USP44: variants seen among roughly 807,000 people sequenced by gnomAD.
USP44 encodes ubiquitin carboxyl-terminal hydrolase 44.
Under a neutral mutation model 69.0 loss-of-function variants are expected in USP44, and 61 were observed. The ratio of observed to expected loss-of-function variants is 0.88; its 90% CI spans 0.72 to 1.09. The LOEUF (loss-of-function observed/expected upper bound fraction) is 1.09, where lower values mean the gene tolerates loss of function less well. Among genes scored for constraint, USP44 ranks in the 50% least tolerant of loss-of-function variants. The probability of loss-of-function intolerance (pLI) is 0.00; values close to 1 mark genes in which losing one functional copy is unlikely to be tolerated. For missense variants in USP44, 753 were observed against 849.9 expected (o/e 0.89, Z 1.42); for synonymous variants, 297 against 295.4 (o/e 1.01, Z -0.06).
intron 1 of USP44, among the ~76,000 whole-genome samples, chr12:95,550,695 AAG>A (rs2077709545): frequency 6.6e-6 from 1 of 152,170 alleles, no homozygotes; most frequent in African/African-American, 2.4e-5. Context: ...GGGAGATAGG[AAG>A]AGTCTTAGTT....
chr12:95,519,533 G>A (rs1335047238), intron 5 of USP44, among the ~76,000 whole-genome samples: 1 of 141,512 alleles, frequency 7.1e-6, no homozygotes, highest in African/African-American at 2.6e-5. Context: ...TCCGCCTCCC[G>A]GGTTCACGCC....
In USP44 at chr12:95,522,000, G is replaced by A. The variant is rs1375296602; in HGVS notation, c.1734-798C>T. 5 of 977,678 alleles carry A rather than the reference G, an allele frequency of 5.1e-6. No homozygotes were observed. In the South Asian group the frequency reaches 2.4e-4, roughly 46 times the overall value. 60.6% of individuals were successfully genotyped at this position (977,678 alleles called of 1,614,324 possible). A position where few individuals can be genotyped will look rare whatever the true frequency, so the allele number is the denominator to read the frequency against. ...TAAGTCAGCACAACCGCCCATTGGTGACAGAACTGAAAGAATGCCCTTACC... is the reference window on the plus strand; with the variant it reads ...TAAGTCAGCACAACCGCCCATTGGTAACAGAACTGAAAGAATGCCCTTACC... On this transcript the variant is annotated intron_variant, in intron 4 of 5. Transcript: ENST00000258499.
At chr12:95,530,690 GATAT>G (rs1354534738) in intron 2 of USP44, among the ~76,000 whole-genome samples, 14 of 148,130 alleles carry the variant, frequency 9.5e-5, no homozygotes, top group African/African-American at 3.2e-4. Context: ...TAGATAGATA[GATAT>G]AAAAGAAAAA....
At chr12:95,541,668 A>G (rs1351923828) in intron 1 of USP44, among the ~76,000 whole-genome samples, 1 of 152,162 alleles carries the variant, frequency 6.6e-6, no homozygotes, top group Non-Finnish European at 1.5e-5. Context: ...TTTGACAAAT[A>G]TTTCAATAAA....
chr12:95,530,093 C>A (rs551300590), intron 2 of USP44, among the ~76,000 whole-genome samples: 1 of 152,310 alleles, frequency 6.6e-6, no homozygotes, highest in Non-Finnish European at 1.5e-5. Context: ...CATGAACTAA[C>A]AATTCACATA....
chr12:95,543,406 C>CAA (rs60127958), intron 1 of USP44, among the ~76,000 whole-genome samples: 191 of 42,536 alleles, frequency 4.5e-3, no homozygotes, highest in Middle Eastern at 0.012. Flanking sequence ...GACTCTTTCT[C>CAA]AAAAAAAAAA....
intron 5 of USP44, 131 bp downstream of exon 5, chr12:95,520,866 G>T (rs537007429): frequency 1.3e-6 from 1 of 760,704 alleles, no homozygotes; most frequent in Non-Finnish European, 2.1e-6. Flanking sequence ...ACCTGCAGAG[G>T]CATTCTCCCT....
At chr12:95,518,407 T>C in intron 5 of USP44, 54 bp from the exon 6 acceptor site, 2 of 1,559,708 alleles carry the variant, frequency 1.3e-6, no homozygotes, top group Admixed American at 1.8e-5. Flanking sequence ...AATTCTAGTA[T>C]GAAAGGCATT....
chr12:95,551,478 C>T (rs2077720548), upstream of USP44: 1 of 152,652 alleles, frequency 6.6e-6, no homozygotes, highest in African/African-American at 2.4e-5. Flanking sequence ...CTGGAAACTG[C>T]TTTCCTGAAG....
Position 95,533,528 on chromosome 12 carries a change from A to G in USP44, c.729T>C (p.Asp243=), listed in dbSNP as rs1170688980. The stretch of plus-strand genomic sequence containing the variant: ...CATTTTCTGAGGTAGAGAGTACTTT[A>G]TCTTTTGCTGGTGATGCTGGCGTTT... ...PAQTPASPAK[D]KVLSTSENEI... Residue 243 remains aspartate, a synonymous_variant, in exon 2 of 6, where the codon GAT becomes GAC. Transcript: ENST00000258499. 3.7e-6 allele frequency: 6 copies of G among 1,613,698 alleles called. No homozygotes were observed. The Admixed American group carries it at 6.7e-5, about 18-fold the overall frequency.
At chr12:95,541,863 A>T (rs2077400039) in intron 1 of USP44, among the ~76,000 whole-genome samples, 1 of 150,564 alleles carries the variant, frequency 6.6e-6, no homozygotes, top group Non-Finnish European at 1.5e-5. Flanking sequence ...GTCAAAAATA[A>T]TATCATCTCC....
chr12:95,522,189 G>A (rs1010847604), intron 4 of USP44: 2 of 770,140 alleles, frequency 2.6e-6, no homozygotes, highest in Non-Finnish European at 3.2e-6. Context: ...ATGGTAGAGA[G>A]ACAAGGCAGA....
At chr12:95,518,985 A>G (rs1276582686) in intron 5 of USP44, among the ~76,000 whole-genome samples, 1 of 152,170 alleles carries the variant, frequency 6.6e-6, no homozygotes, top group Non-Finnish European at 1.5e-5. Context: ...TGATGTCATA[A>G]GTAACCCTGA....
rs780605905 is a variant in USP44, at chr12:95,524,775, CCTT to C, written c.1635_1637del (p.Arg546del). The C allele has an allele frequency of 3.4e-5, 54 of 1,604,116 alleles. No homozygotes were observed. The highest frequency in any genetic ancestry group is 2.3e-4 in the Admixed American group (13 of 57,024). ...TGAGTACAACTGGTTTGGAGGAAAA[CCTT>C]CTACGCTTTGCTGTAACATCAAAGA... On this transcript the variant is annotated inframe_deletion, in exon 4 of 6. Coordinates refer to ENST00000258499, the MANE Select transcript of USP44 (RefSeq NM_032147.5).
chr12:95,541,150 G>C (rs566066962), intron 1 of USP44, among the ~76,000 whole-genome samples: 1 of 152,146 alleles, frequency 6.6e-6, no homozygotes, highest in Admixed American at 6.6e-5. Context: ...ATGGTGGCAG[G>C]TGCCTGTAAT....
chr12:95,532,464 G>A (rs532472544), intron 2 of USP44, among the ~76,000 whole-genome samples: 46 of 151,984 alleles, frequency 3.0e-4, no homozygotes, highest in African/African-American at 9.2e-4. Flanking sequence ...CCCCACGCCC[G>A]GCCATGTGCA....
chr12:95,530,639 C>T (rs2076986216), intron 2 of USP44, among the ~76,000 whole-genome samples: 1 of 136,932 alleles, frequency 7.3e-6, no homozygotes, highest in Non-Finnish European at 1.6e-5. Flanking sequence ...TTTCATACTA[C>T]TGGAAATATA....
At chr12:95,542,548 CT>C (rs1476496715) in intron 1 of USP44, among the ~76,000 whole-genome samples, 1 of 151,096 alleles carries the variant, frequency 6.6e-6, no homozygotes, top group African/African-American at 2.4e-5. Flanking sequence ...GGCAGATCAC[CT>C]GAGGAGTTCA....
chr12:95,519,370 A>G (rs564679632), intron 5 of USP44, among the ~76,000 whole-genome samples: 2 of 152,112 alleles, frequency 1.3e-5, no homozygotes, highest in Non-Finnish European at 2.9e-5. Flanking sequence ...TCTATGCAAA[A>G]AAATCCAAAA....
Sources: allele counts gnomAD v4.1 joint callset (sites outside exome capture counted in the v4.1 genomes callset), GRCh38; gene constraint gnomAD v4.1.1; transcripts MANE v1.5; gene names NCBI Gene and HGNC (gene_info 2026-07-23, HGNC 2026-07-21).